CARS2: variants seen among roughly 807,000 people sequenced by gnomAD.
The protein encoded by CARS2 is probable cysteine--tRNA ligase, mitochondrial.
CARS2 carries 52 observed loss-of-function variants against 68.8 expected under a neutral mutation model. The ratio of observed to expected loss-of-function variants is 0.76; its 90% CI spans 0.61 to 0.95. The LOEUF is 0.95. CARS2 is among the 40% of genes least tolerant of loss of function. The pLI is 0.00. For synonymous variants in CARS2, 314 were observed against 303.6 expected (o/e 1.03, Z -0.36); for missense variants, 780 against 754.2 (o/e 1.03, Z -0.40).
intron 7 of CARS2, 38 bp from the exon 8 acceptor site, chr13:110,667,511 C>T: frequency 6.3e-7 from 1 of 1,596,110 alleles, no homozygotes; most frequent in Non-Finnish European, 8.5e-7. Flanking sequence ...TTCATTCAAT[C>T]AAGCAACATA....
At chr13:110,662,329 T>C (rs2986102) in intron 9 of CARS2, among the ~76,000 whole-genome samples, 30,434 of 144,550 alleles carry the variant, frequency 0.21, 3,518 homozygotes, top group Admixed American at 0.31. Context: ...TCGGACCCCC[T>C]TCTGCGTCAT....
intron 3 of CARS2, among the ~76,000 whole-genome samples, chr13:110,690,525 A>C (rs1228745203): frequency 6.6e-6 from 1 of 152,182 alleles, no homozygotes; most frequent in Non-Finnish European, 1.5e-5. Context: ...TGCTGGACAC[A>C]CTGAGCTGCC....
In CARS2 at chr13:110,705,661, G is replaced by A. The variant is rs768791508; in HGVS notation, c.225-90C>T. The A allele has an allele frequency of 1.8e-5, 27 of 1,480,138 alleles. No homozygotes were observed. The African/African-American group carries it at 2.4e-4, about 13-fold the overall frequency. The allele number at this position is 1,480,138 out of a possible 1,614,324, so 91.7% of individuals were successfully genotyped here. ...TTATAATGATCATATAATTTTTAAA[G>A]TAATCACTTCTGGGGGATGAATAGC... On this transcript the variant is annotated intron_variant, in intron 1 of 14. Transcript: ENST00000257347. The surrounding 1 kb of genome is among the most constrained non-coding windows in gnomAD (Gnocchi z 4.0).
rs369920147 is a variant in CARS2, at chr13:110,705,502, T to G, written c.275+19A>C. On this transcript the variant is annotated intron_variant, in intron 2 of 14. Transcript: ENST00000257347. This position sits in a 1 kb window ranked among gnomAD's most constrained non-coding sequence, Gnocchi z 4.0. ...AAATGGTCCTTTGAAGTATGAAAAT[T>G]CAAATCCAGGAAACTCACCAAGCAT... is the stretch of plus-strand genomic sequence containing the variant. 2 of 1,566,352 alleles carry G rather than the reference T, an allele frequency of 1.3e-6. No individual in the cohort carries two copies. Among genetic ancestry groups the G allele is most frequent in the Non-Finnish European group, 1.7e-6 (2 of 1,154,114 alleles).
intron 14 of CARS2, among the ~76,000 whole-genome samples, chr13:110,642,073 T>A (rs564946792): frequency 2.0e-5 from 3 of 151,916 alleles, no homozygotes; most frequent in Admixed American, 1.3e-4. Context: ...TGGGAGTGCA[T>A]GCCTGTAATC....
chr13:110,647,259 C>A lies in CARS2; in HGVS notation c.1055-20G>T. On this transcript the variant is annotated intron_variant, in intron 10 of 14. Transcript: ENST00000257347. The stretch of plus-strand genomic sequence containing the variant: ...CGATGGCTGAGGAGGAAGAGATGGT[C>A]ACTGAGGCGGTGCCCACCATGCTGT... 1 of 1,607,764 alleles carries A rather than the reference C, an allele frequency of 6.2e-7. No homozygotes were observed. The highest frequency in any genetic ancestry group is 8.5e-7 in the Non-Finnish European group (1 of 1,176,290).
intron 7 of CARS2, among the ~76,000 whole-genome samples, chr13:110,671,230 C>T (rs903806917): frequency 2.0e-5 from 3 of 152,090 alleles, no homozygotes; most frequent in African/African-American, 7.2e-5. Flanking sequence ...AGAGATACTC[C>T]TCGAGAAGAG....
chr13:110,708,319 G>A (rs1161885602), upstream of CARS2, among the ~76,000 whole-genome samples: 1 of 152,230 alleles, frequency 6.6e-6, no homozygotes, highest in Non-Finnish European at 1.5e-5. Context: ...AGATGTGCCA[G>A]TAAATAAAGC....
In CARS2 at chr13:110,676,248, C is replaced by T. The variant is rs1014640290; in HGVS notation, c.785+726G>A. On this transcript the variant is annotated intron_variant, in intron 7 of 14. Transcript: ENST00000257347. This position sits in a 1 kb window ranked among gnomAD's most constrained non-coding sequence, Gnocchi z 4.0. ...CGGGCGGTATGCTGTCTTTCACACACCCCACCCAAGGTGCCCCTGGCTGTG... is the reference window on the plus strand; with the variant it reads ...CGGGCGGTATGCTGTCTTTCACACATCCCACCCAAGGTGCCCCTGGCTGTG... Among the ~76,000 whole-genome samples the T allele has an allele frequency of 2.0e-5, 3 of 152,244 alleles. No individual in the cohort carries two copies. The highest frequency in any genetic ancestry group is 6.5e-5 in the Admixed American group (1 of 15,290).
At chr13:110,650,999 G>C (rs778693201) in intron 10 of CARS2, 35 bp downstream of exon 10, 4 of 1,418,532 alleles carry the variant, frequency 2.8e-6, no homozygotes, top group Admixed American at 1.9e-5. Context: ...TCTCCGAGCT[G>C]GGGGGGGAGT....
At chr13:110,678,743 G>A (rs2063047220) in intron 6 of CARS2, among the ~76,000 whole-genome samples, 1 of 152,204 alleles carries the variant, frequency 6.6e-6, no homozygotes. Flanking sequence ...CACAAATGCA[G>A]AGAATACTGT....
In CARS2 at chr13:110,668,749, T is replaced by C. The variant is rs971323664; in HGVS notation, c.786-1276A>G. Among the ~76,000 whole-genome samples, 7 of 152,200 alleles carry C rather than the reference T, an allele frequency of 4.6e-5. No homozygotes were observed. Among genetic ancestry groups the C allele is most frequent in the African/African-American group, 1.2e-4 (5 of 41,462 alleles). On this transcript the variant is annotated intron_variant, in intron 7 of 14. Coordinates refer to ENST00000257347, the MANE Select transcript of CARS2 (RefSeq NM_024537.4). This position sits in a 1 kb window ranked among gnomAD's most constrained non-coding sequence, Gnocchi z 4.1. ...CGTGAAAGTTTCACAAGCTGAACTA[T>C]GGGGCCACAACCTTCACTATGTTAG...
rs375056782 is a variant in CARS2, at chr13:110,684,709, C to T, written c.572-1575G>A. 2.2e-4 allele frequency among the ~76,000 whole-genome samples: 34 copies of T among 151,828 alleles called. No individual in the cohort carries two copies. In the South Asian group the frequency reaches 7.1e-3, roughly 32 times the overall value. ...AGAGGACAGGAGGGGGACATCCAGG[C>T]CCTGGGAGCTGCTTTCTATGAAGTC... On this transcript the variant is annotated intron_variant, in intron 5 of 14. Transcript: ENST00000257347.
chr13:110,662,610 A>T (rs1206962324), intron 9 of CARS2, among the ~76,000 whole-genome samples: 1 of 152,244 alleles, frequency 6.6e-6, no homozygotes, highest in Admixed American at 6.5e-5. Flanking sequence ...GGCGAAAAAG[A>T]TCCTACACAG....
intron 3 of CARS2, among the ~76,000 whole-genome samples, chr13:110,691,987 G>GAAAAAA (rs36121848): frequency 2.1e-4 from 16 of 76,838 alleles, no homozygotes; most frequent in Admixed American, 3.7e-4. Context: ...AAGCTGTGCA[G>GAAAAAA]AAAAAAAAAA....
At chr13:110,681,316 A>T (rs2063151534) in intron 6 of CARS2, among the ~76,000 whole-genome samples, 1 of 152,230 alleles carries the variant, frequency 6.6e-6, no homozygotes, top group Non-Finnish European at 1.5e-5. Flanking sequence ...CTAAGGCATT[A>T]AAATTTTTTT....
chr13:110,692,799 G>A (rs1008140360), intron 3 of CARS2, among the ~76,000 whole-genome samples: 5 of 151,772 alleles, frequency 3.3e-5, no homozygotes, highest in East Asian at 1.9e-4. Flanking sequence ...GGGCAACAGC[G>A]TGAAACTCTG....
chr13:110,707,478 C>G (rs900126049), upstream of CARS2: 2 of 152,134 alleles, frequency 1.3e-5, no homozygotes, highest in African/African-American at 4.8e-5. Context: ...GAAACCCCGT[C>G]TCTACTAAAA....
At chr13:110,679,640 C>G (rs11842569) in intron 6 of CARS2, among the ~76,000 whole-genome samples, 1 of 53,968 alleles carries the variant, frequency 1.9e-5, no homozygotes, top group Admixed American at 3.0e-4. Flanking sequence ...GGAGGGACAC[C>G]GGGCGTGACC....
Sources: allele counts gnomAD v4.1 joint callset (sites outside exome capture counted in the v4.1 genomes callset), GRCh38; gene constraint gnomAD v4.1.1; non-coding constraint Gnocchi (gnomAD v3.1); transcripts MANE v1.5; gene names NCBI Gene and HGNC (gene_info 2026-07-23, HGNC 2026-07-21).